The following PRKG1 variants were observed in gnomAD, a reference collection of about 807,000 sequenced individuals.
PRKG1 encodes cGMP-dependent protein kinase 1.
In PRKG1, 35 loss-of-function variants were observed where a neutral mutation model predicts 88.1. That is an observed-to-expected ratio of 0.40 (90% confidence interval 0.30 to 0.53). The LOEUF (loss-of-function observed/expected upper bound fraction) is 0.53, where lower values mean the gene tolerates loss of function less well. PRKG1 is among the 20% of genes least tolerant of loss of function. PRKG1 has a pLI of 0.59. For missense variants in PRKG1, 540 were observed against 839.8 expected, an observed-to-expected ratio of 0.64 and a Z score of 4.41; for synonymous variants, 303 against 292.5, an observed-to-expected ratio of 1.04 and a Z score of -0.37.
intron 1 of PRKG1, among the ~76,000 whole-genome samples, chr10:51,080,515 C>T (rs1277110317): frequency 1.3e-5 from 2 of 152,178 alleles, no homozygotes; most frequent in East Asian, 1.9e-4. Context: ...GGCTGCTGCT[C>T]TTTCTGCCAT....
At chr10:51,928,634 G>A (rs187972113) in intron 5 of PRKG1, among the ~76,000 whole-genome samples, 131 of 152,220 alleles carry the variant, frequency 8.6e-4, no homozygotes, top group African/African-American at 2.6e-3. Context: ...AAGGGTTATC[G>A]GATATTTTCC....
intron 2 of PRKG1, among the ~76,000 whole-genome samples, chr10:51,377,085 TA>T (rs35935908): frequency 7.7e-4 from 112 of 146,404 alleles, no homozygotes; most frequent in African/African-American, 8.4e-4. Flanking sequence ...TGTTAGCAGT[TA>T]AAAAAAAAAA....
chr10:52,024,652 C>G (rs1294240838), intron 5 of PRKG1, among the ~76,000 whole-genome samples: 1 of 152,140 alleles, frequency 6.6e-6, no homozygotes, highest in Non-Finnish European at 1.5e-5. Flanking sequence ...CTACAAAGGA[C>G]ATGAACTCAT....
intron 2 of PRKG1, among the ~76,000 whole-genome samples, chr10:51,171,613 C>T (rs1370284582): frequency 6.6e-6 from 1 of 152,116 alleles, no homozygotes; most frequent in African/African-American, 2.4e-5. Flanking sequence ...TGCCTTCATC[C>T]TCCTGTCTAG....
At chr10:51,868,190 G>A (rs1001757237) in intron 4 of PRKG1, among the ~76,000 whole-genome samples, 1 of 152,162 alleles carries the variant, frequency 6.6e-6, no homozygotes, top group East Asian at 1.9e-4. Context: ...ACAAAGATGG[G>A]ATTTGATTAC....
At chr10:51,523,309 G>A (rs1402065510) in intron 3 of PRKG1, among the ~76,000 whole-genome samples, 1 of 152,144 alleles carries the variant, frequency 6.6e-6, no homozygotes, top group East Asian at 1.9e-4. Context: ...CATGAGAACG[G>A]TAATAAGATG....
chr10:51,956,869 C>T (rs763235218), intron 5 of PRKG1, among the ~76,000 whole-genome samples: 1 of 152,098 alleles, frequency 6.6e-6, no homozygotes, highest in Non-Finnish European at 1.5e-5. Context: ...CTGTCCAGAT[C>T]TATATGTTAC....
chr10:51,127,713 G>A (rs1564611123), intron 1 of PRKG1, among the ~76,000 whole-genome samples: 1 of 152,254 alleles, frequency 6.6e-6, no homozygotes, highest in East Asian at 1.9e-4. Context: ...TAACCCAAAT[G>A]CCCACCAAGG....
intron 3 of PRKG1, among the ~76,000 whole-genome samples, chr10:51,794,890 T>A (rs549213203): frequency 2.4e-4 from 36 of 152,202 alleles, no homozygotes; most frequent in African/African-American, 8.7e-4. Flanking sequence ...GGCAGTAACT[T>A]AGCTTTTCTG....
intron 3 of PRKG1, among the ~76,000 whole-genome samples, chr10:51,725,853 G>T (rs778676542): frequency 6.6e-6 from 1 of 152,022 alleles, no homozygotes; most frequent in Non-Finnish European, 1.5e-5. Flanking sequence ...TGGCTAGGCT[G>T]GTCTTGAACT....
At chr10:51,566,006 TGGAAGAGCATCTTG>T (rs1271890013) in intron 3 of PRKG1, among the ~76,000 whole-genome samples, 1 of 152,138 alleles carries the variant, frequency 6.6e-6, no homozygotes, top group Non-Finnish European at 1.5e-5. Context: ...GACTTATTCC[TGGAAGAGCATCTTG>T]GGAAGATAAG....
chr10:52,017,903 T>C (rs936430091), intron 5 of PRKG1, among the ~76,000 whole-genome samples: 1 of 152,194 alleles, frequency 6.6e-6, no homozygotes, highest in African/African-American at 2.4e-5. Flanking sequence ...TCATATATTG[T>C]AATATTAGCA....
chr10:50,991,437 A>C lies in PRKG1; in HGVS notation c.59A>C (p.Lys20Thr). 6.3e-7 allele frequency: 1 copy of C among 1,595,110 alleles called. No individual in the cohort carries two copies. Among genetic ancestry groups the C allele is most frequent in the South Asian group, 1.1e-5 (1 of 87,728 alleles). The change falls in exon 1 of 18, where the codon AAA becomes ACA. Residue 20 changes from lysine (K) to threonine (T), a missense_variant. Coordinates refer to the PRKG1 transcript ENST00000401604. This position sits in a 1 kb window ranked among gnomAD's most constrained non-coding sequence, Gnocchi z 4.5. ...CTCATGCTCAAGGAGGAGAGGATCA[A>C]AGAGCTGGAGAAGCGGCTGTCAGAG... is the stretch of plus-strand genomic sequence containing the variant.
rs1837226852 is a variant in PRKG1, at chr10:51,554,031, G to C, written c.592+86195G>C. Among the ~76,000 whole-genome samples the C allele has an allele frequency of 1.5e-5, 2 of 129,076 alleles. 1 individual carries two copies. The highest frequency in any genetic ancestry group is 5.0e-4 in the South Asian group (2 of 4,038). The allele number at this position is 129,076 out of a possible 152,430, so 84.7% of individuals were successfully genotyped here. On this transcript the variant is annotated intron_variant, in intron 3 of 17. Transcript: ENST00000373980. ...TATTATATGTGCGTATGTGATACGT[G>C]TATATATTATATGTGCGTATGTGAT...
At chr10:51,378,083 T>G (rs971189225) in intron 2 of PRKG1, among the ~76,000 whole-genome samples, 3 of 152,234 alleles carry the variant, frequency 2.0e-5, no homozygotes, top group South Asian at 2.1e-4. Flanking sequence ...CTCTGTTTGC[T>G]TTAGCCTTGG....
intron 4 of PRKG1, among the ~76,000 whole-genome samples, chr10:51,887,424 A>G (rs1350185645): frequency 1.3e-5 from 2 of 152,224 alleles, no homozygotes; most frequent in African/African-American, 4.8e-5. Flanking sequence ...TCTTTTGAAT[A>G]TATTTCCAGA....
intron 2 of PRKG1, among the ~76,000 whole-genome samples, chr10:51,160,886 GTGTGTGTGTCTGTGTGTGTGTGCA>G (rs796461180): frequency 6.7e-6 from 1 of 149,780 alleles, no homozygotes; most frequent in African/African-American, 2.5e-5. Flanking sequence ...GTGTGTGTGT[GTGTGTGTGTCTGTGTGTGTGTGCA>G]TGTGTGTGTC....
At chr10:51,496,724 A>G (rs1840869294) in intron 3 of PRKG1, among the ~76,000 whole-genome samples, 1 of 152,070 alleles carries the variant, frequency 6.6e-6, no homozygotes, top group African/African-American at 2.4e-5. Context: ...AAGTGTCATA[A>G]TTAGTAATAA....
rs973311137 is a variant in PRKG1 at position 51,326,437 on chromosome 10, A to T, written c.479-141286A>T. Among the ~76,000 whole-genome samples the T allele has an allele frequency of 3.3e-5, 5 of 152,326 alleles. No homozygotes were observed. The East Asian group carries it at 5.8e-4, about 18-fold the overall frequency. On this transcript the variant is annotated intron_variant, in intron 2 of 17. Transcript: ENST00000373980. ...ACACATATTTCTGAAAATTATGATGATAGGAGTAAATAAGTTTCTGGGACA... is the reference window on the plus strand; with the variant it reads ...ACACATATTTCTGAAAATTATGATGTTAGGAGTAAATAAGTTTCTGGGACA...
Sources: allele counts gnomAD v4.1 joint callset (sites outside exome capture counted in the v4.1 genomes callset), GRCh38; gene constraint gnomAD v4.1.1; non-coding constraint Gnocchi (gnomAD v3.1); transcripts MANE v1.5; gene names NCBI Gene and HGNC (gene_info 2026-07-23, HGNC 2026-07-21).